The following EIF2S2 variants were observed in gnomAD, a reference collection of about 807,000 sequenced individuals.
EIF2S2 encodes eukaryotic translation initiation factor 2 subunit beta.
In EIF2S2, 4 loss-of-function variants were observed where a neutral mutation model predicts 44.0. The ratio of observed to expected loss-of-function variants is 0.09; its 90% CI spans 0.04 to 0.21. The LOEUF (loss-of-function observed/expected upper bound fraction) is 0.21. Among genes scored for constraint, EIF2S2 ranks in the 10% least tolerant of loss-of-function variants. EIF2S2 has a pLI of 1.00. For synonymous variants in EIF2S2, 108 were observed against 128.3 expected (o/e 0.84, Z 1.07); for missense variants, 154 against 392.0 (o/e 0.39, Z 5.13).
At chr20:34,104,001 G>T (rs750632335) in intron 2 of EIF2S2, among the ~76,000 whole-genome samples, 4 of 152,072 alleles carry the variant, frequency 2.6e-5, no homozygotes, top group Non-Finnish European at 2.9e-5. Flanking sequence ...GAGCCACCGC[G>T]CCCGGCCACA....
chr20:34,103,609 C>T, intron 2 of EIF2S2, 44 bp from the exon 3 acceptor site: 2 of 1,484,064 alleles, frequency 1.3e-6, no homozygotes, highest in South Asian at 1.3e-5. Flanking sequence ...AAAGGCAAAG[C>T]ATCAAATTAT....
intron 6 of EIF2S2, among the ~76,000 whole-genome samples, chr20:34,094,026 G>A (rs1425058354): frequency 6.6e-6 from 1 of 152,164 alleles, no homozygotes; most frequent in Non-Finnish European, 1.5e-5. Context: ...AAGTAGCTAG[G>A]ACTACAGGTG....
chr20:34,095,333 CAG>C (rs2034215423), intron 6 of EIF2S2, among the ~76,000 whole-genome samples: 2 of 114,056 alleles, frequency 1.8e-5, no homozygotes, highest in African/African-American at 7.3e-5. Flanking sequence ...TTTTTTTTGA[CAG>C]AGTCTCACAC....
intron 6 of EIF2S2, among the ~76,000 whole-genome samples, chr20:34,095,150 A>G (rs891639291): frequency 6.6e-6 from 1 of 152,236 alleles, no homozygotes; most frequent in African/African-American, 2.4e-5. Flanking sequence ...TATGTTGTGT[A>G]GCTATTTAAA....
At chr20:34,093,473 CT>C (rs1478894058) in intron 7 of EIF2S2, among the ~76,000 whole-genome samples, 2 of 152,204 alleles carry the variant, frequency 1.3e-5, no homozygotes, top group African/African-American at 4.8e-5. Flanking sequence ...ACCAGCAGGC[CT>C]GTTCAGATGT....
chr20:34,103,709 TC>T (rs1363261729), intron 2 of EIF2S2, 144 bp from the exon 3 acceptor site: 3 of 1,246,442 alleles, frequency 2.4e-6, no homozygotes, highest in East Asian at 7.8e-5. Flanking sequence ...AACTTATGGT[TC>T]TTTTTTTTTT....
chr20:34,101,633 C>T (rs2034296347), intron 3 of EIF2S2, among the ~76,000 whole-genome samples: 1 of 151,668 alleles, frequency 6.6e-6, no homozygotes, highest in Non-Finnish European at 1.5e-5. Context: ...CATATTGACA[C>T]CAAGACACAG....
intron 7 of EIF2S2, among the ~76,000 whole-genome samples, chr20:34,091,776 T>TTTTGGGGGG (rs4012181): frequency 2.1e-5 from 2 of 95,814 alleles, no homozygotes; most frequent in African/African-American, 7.1e-5. Context: ...TTTATTTTTT[T>TTTTGGGGGG]GGGGGGGGGG....
intron 3 of EIF2S2, among the ~76,000 whole-genome samples, chr20:34,103,026 CCA>C (rs2034311065): frequency 6.6e-6 from 1 of 152,182 alleles, no homozygotes; most frequent in South Asian, 2.1e-4. Context: ...TGCCTACAGG[CCA>C]CATTGTCATC....
At chr20:34,109,971 C>T (rs372722332) in intron 1 of EIF2S2, among the ~76,000 whole-genome samples, 2 of 151,158 alleles carry the variant, frequency 1.3e-5, no homozygotes, top group South Asian at 2.1e-4. Context: ...TGGTGGCAGG[C>T]GCCTGTAATC....
chr20:34,092,989 AC>A (rs2034185292), intron 7 of EIF2S2, among the ~76,000 whole-genome samples: 1 of 152,250 alleles, frequency 6.6e-6, no homozygotes, highest in Admixed American at 6.5e-5. Context: ...ATTACTTTCT[AC>A]TTCATAGAAC....
chr20:34,092,594 G>C (rs1176415707), intron 7 of EIF2S2, among the ~76,000 whole-genome samples: 1 of 152,182 alleles, frequency 6.6e-6, no homozygotes, highest in Non-Finnish European at 1.5e-5. Flanking sequence ...CATGAACCCG[G>C]GAAGCAGGCT....
At chr20:34,100,982 A>C (rs2034288506) in intron 3 of EIF2S2, among the ~76,000 whole-genome samples, 1 of 151,888 alleles carries the variant, frequency 6.6e-6, no homozygotes, top group African/African-American at 2.4e-5. Context: ...AACCTTACTC[A>C]TTCATTAATA....
At chr20:34,091,081 G>A (rs1001501457) in intron 7 of EIF2S2, among the ~76,000 whole-genome samples, 7 of 152,072 alleles carry the variant, frequency 4.6e-5, no homozygotes, top group Non-Finnish European at 7.4e-5. Flanking sequence ...AATAGTTTGC[G>A]TCTAATGATG....
intron 3 of EIF2S2, among the ~76,000 whole-genome samples, chr20:34,099,871 T>A (rs2122416301): frequency 6.6e-6 from 1 of 152,000 alleles, no homozygotes; most frequent in Admixed American, 6.6e-5. Context: ...AGCTGAGGGG[T>A]GGCAAGGAGG....
intron 6 of EIF2S2, among the ~76,000 whole-genome samples, chr20:34,095,458 C>T (rs1260605099): frequency 6.6e-6 from 1 of 152,102 alleles, no homozygotes; most frequent in Non-Finnish European, 1.5e-5. Flanking sequence ...ATTACAGGCA[C>T]GTGCCACCAC....
At chr20:34,104,182 A>T (rs1241611935) in intron 2 of EIF2S2, among the ~76,000 whole-genome samples, 5 of 152,142 alleles carry the variant, frequency 3.3e-5, no homozygotes, top group Admixed American at 2.6e-4. Flanking sequence ...TCCAACTTTA[A>T]ATCTTCCACT....
At chr20:34,093,552 T>C (rs1233079229) in intron 7 of EIF2S2, 123 bp downstream of exon 7, 12 of 812,686 alleles carry the variant, frequency 1.5e-5, no homozygotes, top group Non-Finnish European at 1.9e-6. Flanking sequence ...ACTCCTCCAC[T>C]GGCCTAAAAG....
At chr20:34,093,933 C>T (rs2034198071) in intron 6 of EIF2S2, among the ~76,000 whole-genome samples, 1 of 152,160 alleles carries the variant, frequency 6.6e-6, no homozygotes, top group Non-Finnish European at 1.5e-5. Flanking sequence ...TGTTTTATTG[C>T]CCAGGCTGGA....
Sources: gnomAD v4.1 joint callset for allele counts (sites outside exome capture counted in the v4.1 genomes callset) on GRCh38, gnomAD v4.1.1 for gene constraint, MANE v1.5 for transcripts, NCBI Gene and HGNC (gene_info 2026-07-23, HGNC 2026-07-21) for gene names.